Variants in FOCAD observed in about 807,000 individuals in gnomAD.
FOCAD encodes KIAA1797.
A neutral mutation model predicts 225.6 loss-of-function variants in FOCAD; 198 were observed. The observed-to-expected ratio is 0.88, with a 90% CI of 0.78 to 0.99. The LOEUF (loss-of-function observed/expected upper bound fraction) is 0.99, where lower values mean the gene tolerates loss of function less well. Among genes scored for constraint, FOCAD ranks in the 50% least tolerant of loss-of-function variants. The pLI is 0.00. For synonymous variants in FOCAD, 897 were observed against 755.0 expected (o/e 1.19, Z -3.08); for missense variants, 2,713 against 2,123.6 (o/e 1.28, Z -5.46).
chr9:20,671,539 G>T (rs1177553344), intron 2 of FOCAD, among the ~76,000 whole-genome samples: 1 of 152,108 alleles, frequency 6.6e-6, no homozygotes, highest in Non-Finnish European at 1.5e-5. Context: ...TGACTGTTCA[G>T]TTTCCACCTA....
rs1016038357 is a variant in FOCAD at position 20,802,276 on chromosome 9, A to G, written c.1455+12668A>G. ...TGTGTGTTTTTCCTTTTGTCTCTAA[A>G]GAAAACAAGCATGTAAATATATATA... is the stretch of plus-strand genomic sequence containing the variant. On this transcript the variant is annotated intron_variant, in intron 11 of 43. Transcript: ENST00000338382. 4.6e-5 allele frequency among the ~76,000 whole-genome samples: 7 copies of G among 152,254 alleles called. 2 individuals carry two copies. Among genetic ancestry groups the G allele is most frequent in the Admixed American group, 4.6e-4 (7 of 15,292 alleles).
chr9:20,770,505 A>C (rs1356923781), intron 8 of FOCAD, among the ~76,000 whole-genome samples: 2 of 152,324 alleles, frequency 1.3e-5, no homozygotes, highest in East Asian at 3.9e-4. Context: ...AAACAACCAG[A>C]TCTCAATCAC....
chr9:20,964,722 G>C (rs1839099640), intron 35 of FOCAD, among the ~76,000 whole-genome samples: 1 of 152,144 alleles, frequency 6.6e-6, no homozygotes, highest in African/African-American at 2.4e-5. Context: ...TTTTAGTAGA[G>C]ACAGGCTTTC....
rs563463277 is a variant in FOCAD at position 20,767,969 on chromosome 9, T to C, written c.700-2063T>C. Among the ~76,000 whole-genome samples, 9 of 152,314 alleles carry C rather than the reference T, an allele frequency of 5.9e-5. No individual in the cohort carries two copies. In the South Asian group the frequency reaches 1.9e-3, roughly 32 times the overall value. ...TTTTTATGGTTTTATGTCTAATGTT[T>C]AAGTCTTTAATCCATCTTGAATTGA... On this transcript the variant is annotated intron_variant, in intron 7 of 43. Transcript: ENST00000338382.
At chr9:20,799,209 C>T (rs528509546) in intron 11 of FOCAD, among the ~76,000 whole-genome samples, 4 of 152,046 alleles carry the variant, frequency 2.6e-5, no homozygotes, top group South Asian at 2.1e-4. Context: ...GTGGTCTGAG[C>T]GACAGTTTGT....
At chr9:20,701,868 A>T (rs1157056548) in intron 1 of FOCAD, among the ~76,000 whole-genome samples, 14 of 152,230 alleles carry the variant, frequency 9.2e-5, no homozygotes, top group Admixed American at 9.2e-4. Context: ...ATATGCTGAT[A>T]AGCTGCTTTG....
Position 20,961,214 on chromosome 9 carries a change from T to C in FOCAD, c.4132+8149T>C, listed in dbSNP as rs74431101. ...CCCTCCTCTTCTCTTTCTCTCCCTC[T>C]CTCTCTCTGTGTTAGTGTAGACTCG... On this transcript the variant is annotated intron_variant, in intron 35 of 43. Coordinates refer to ENST00000338382, the MANE Select transcript of FOCAD (RefSeq NM_001375567.1). 2.0e-5 allele frequency among the ~76,000 whole-genome samples: 3 copies of C among 151,480 alleles called. No individual in the cohort carries two copies. In the East Asian group the frequency reaches 5.8e-4, roughly 30 times the overall value.
intron 4 of FOCAD, among the ~76,000 whole-genome samples, chr9:20,730,004 A>G (rs1268460392): frequency 6.6e-6 from 1 of 152,162 alleles, no homozygotes; most frequent in Non-Finnish European, 1.5e-5. Context: ...TTTGTTTTCT[A>G]GGGGAAGAGG....
intron 2 of FOCAD, among the ~76,000 whole-genome samples, chr9:20,663,305 C>T (rs1315183196): frequency 6.6e-6 from 1 of 152,098 alleles, no homozygotes; most frequent in African/African-American, 2.4e-5. Context: ...TTACAGTGAG[C>T]TGTGATCATG....
intron 28 of FOCAD, among the ~76,000 whole-genome samples, chr9:20,937,534 A>C (rs972704224): frequency 6.6e-6 from 1 of 151,626 alleles, no homozygotes; most frequent in Admixed American, 6.6e-5. Flanking sequence ...ATATGTAGAA[A>C]GCTGAAACTG....
chr9:20,827,414 C>T (rs921974842), intron 15 of FOCAD, among the ~76,000 whole-genome samples: 3 of 152,038 alleles, frequency 2.0e-5, no homozygotes, highest in Non-Finnish European at 2.9e-5. Context: ...TTCTGTTTGG[C>T]TCTACCACAT....
At chr9:20,973,702 T>C (rs1215605718) in intron 35 of FOCAD, among the ~76,000 whole-genome samples, 1 of 151,854 alleles carries the variant, frequency 6.6e-6, no homozygotes, top group Non-Finnish European at 1.5e-5. Flanking sequence ...GACTCTGCCC[T>C]ACTTCCCTCT....
intron 1 of FOCAD, among the ~76,000 whole-genome samples, chr9:20,712,490 C>G (rs997996940): frequency 4.7e-5 from 7 of 149,628 alleles, no homozygotes; most frequent in South Asian, 2.2e-4. Flanking sequence ...TGAAACCTGT[C>G]TCTACTAAAA....
intron 14 of FOCAD, among the ~76,000 whole-genome samples, chr9:20,821,555 G>A (rs1209319227): frequency 6.6e-6 from 1 of 151,976 alleles, no homozygotes; most frequent in Non-Finnish European, 1.5e-5. Flanking sequence ...TAAGCTTTTA[G>A]GAAAACATAA....
intron 2 of FOCAD, among the ~76,000 whole-genome samples, chr9:20,662,331 A>C (rs1325673997): frequency 2.0e-5 from 3 of 152,186 alleles, no homozygotes; most frequent in African/African-American, 7.2e-5. Flanking sequence ...AAAAGCCTCC[A>C]GCTGTCAGCT....
chr9:20,820,193 G>T (rs1035639118), intron 12 of FOCAD, 131 bp from the exon 13 acceptor site: 4 of 629,042 alleles, frequency 6.4e-6, no homozygotes, highest in African/African-American at 1.9e-5. Flanking sequence ...CCTCTAAGAA[G>T]GTGGGTAATA....
chr9:20,695,338 A>G lies in FOCAD; in HGVS notation c.-33+11045A>G, dbSNP rs1386397580. On this transcript the variant is annotated intron_variant, in intron 1 of 43. Transcript: ENST00000338382. ...CAAGTGGGATCATCCTGATCCCTCTAATATAAAGTTCCCTATCTTCCTTTA... is the reference window on the plus strand; with the variant it reads ...CAAGTGGGATCATCCTGATCCCTCTGATATAAAGTTCCCTATCTTCCTTTA... Among the ~76,000 whole-genome samples the G allele has an allele frequency of 2.6e-5, 4 of 152,202 alleles. No individual in the cohort carries two copies. In the East Asian group the frequency reaches 7.7e-4, roughly 29 times the overall value.
At chr9:20,975,237 C>G (rs1351334563) in intron 35 of FOCAD, among the ~76,000 whole-genome samples, 1 of 152,148 alleles carries the variant, frequency 6.6e-6, no homozygotes, top group Non-Finnish European at 1.5e-5. Flanking sequence ...AATGGCTATT[C>G]TATTCCTGGT....
chr9:20,911,943 A>G (rs775241307), intron 22 of FOCAD, among the ~76,000 whole-genome samples: 1 of 152,178 alleles, frequency 6.6e-6, no homozygotes, highest in Non-Finnish European at 1.5e-5. Context: ...AAGATCCTCA[A>G]TCTCACTAGT....
Sources: allele counts gnomAD v4.1 joint callset (sites outside exome capture counted in the v4.1 genomes callset), GRCh38; gene constraint gnomAD v4.1.1; transcripts MANE v1.5; gene names NCBI Gene and HGNC (gene_info 2026-07-23, HGNC 2026-07-21).